FREM1: variants seen among roughly 807,000 people sequenced by gnomAD.
FREM1 encodes FRAS1-related extracellular matrix protein 1.
A neutral mutation model predicts 210.1 loss-of-function variants in FREM1; 220 were observed. The ratio of observed to expected loss-of-function variants is 1.05; its 90% CI spans 0.94 to 1.17. The LOEUF is 1.17. Ranked by LOEUF, FREM1 falls within the 50% of genes most tolerant of loss-of-function variation. The pLI is 0.00. For synonymous variants in FREM1, 1,189 were observed against 980.2 expected, an observed-to-expected ratio of 1.21 and a Z score of -3.98; for missense variants, 3,454 against 2,675.5, an observed-to-expected ratio of 1.29 and a Z score of -6.42.
At position 14,746,308 on chromosome 9, in the gene FREM1, T is replaced by A. The variant is rs41265300; in HGVS notation, c.6254+45A>T. The A allele has an allele frequency of 0.13, 177,127 of 1,337,740 alleles. 13,579 individuals carry two copies. Among genetic ancestry groups the A allele is most frequent in the Non-Finnish European group, 0.16 (148,866 of 936,358 alleles). 82.9% of individuals were successfully genotyped at this position (1,337,740 alleles called of 1,614,324 possible). A position where few individuals can be genotyped will look rare whatever the true frequency, so the allele number is the denominator to read the frequency against. On this transcript the variant is annotated intron_variant, in intron 35 of 36. Coordinates refer to ENST00000380880, the MANE Select transcript of FREM1 (RefSeq NM_001379081.2). ...CCGCTTCCATGAGCAAATAGAGAAATAGAGAAAAGAAAACACCAATCAAAT... is the reference window on the plus strand; with the variant it reads ...CCGCTTCCATGAGCAAATAGAGAAAAAGAGAAAAGAAAACACCAATCAAAT...
chr9:14,858,187 G>A (rs779750707), intron 4 of FREM1, among the ~76,000 whole-genome samples: 29 of 152,108 alleles, frequency 1.9e-4, no homozygotes, highest in East Asian at 1.2e-3. Flanking sequence ...CAAATCCTGC[G>A]TATCCTTCCA....
chr9:14,769,621 T>A (rs1847153955), intron 27 of FREM1, 103 bp downstream of exon 27: 2 of 1,227,498 alleles, frequency 1.6e-6, no homozygotes, highest in South Asian at 3.1e-5. Flanking sequence ...TCTATTAATT[T>A]ATCTTCTTGG....
chr9:14,900,248 A>G (rs1301872723), intron 1 of FREM1, among the ~76,000 whole-genome samples: 1 of 152,188 alleles, frequency 6.6e-6, no homozygotes, highest in East Asian at 1.9e-4. Flanking sequence ...TTCTGATTTA[A>G]TTTGTCTGAG....
At chr9:14,879,747 A>T (rs930578454) in intron 1 of FREM1, among the ~76,000 whole-genome samples, 1 of 152,188 alleles carries the variant, frequency 6.6e-6, no homozygotes, top group Admixed American at 6.5e-5. Context: ...CCATTCGGTA[A>T]AGCAACTCTA....
chr9:14,840,262 A>T (rs1825431761), intron 10 of FREM1, among the ~76,000 whole-genome samples: 1 of 152,206 alleles, frequency 6.6e-6, no homozygotes, highest in African/African-American at 2.4e-5. Context: ...GGATCCATAT[A>T]CAGGCTATCT....
intron 17 of FREM1, 110 bp downstream of exon 17, chr9:14,807,830 C>T: frequency 2.5e-6 from 2 of 796,070 alleles, no homozygotes; most frequent in Non-Finnish European, 3.9e-6. Flanking sequence ...AAGGACAATT[C>T]CATATGGTGG....
chr9:14,786,513 C>G (rs1205271087), intron 23 of FREM1, among the ~76,000 whole-genome samples: 1 of 152,168 alleles, frequency 6.6e-6, no homozygotes, highest in Non-Finnish European at 1.5e-5. Flanking sequence ...CAACGACAGG[C>G]AATTTTGCTC....
At chr9:14,760,027 A>G (rs1197107412) in intron 27 of FREM1, 126 bp from the exon 28 acceptor site, 2 of 587,578 alleles carry the variant, frequency 3.4e-6, no homozygotes, top group African/African-American at 3.7e-5. Flanking sequence ...ATTCCTTAAG[A>G]CTTATTTGAC....
chr9:14,773,841 A>T (rs570385843), intron 25 of FREM1, among the ~76,000 whole-genome samples: 2 of 152,176 alleles, frequency 1.3e-5, no homozygotes, highest in East Asian at 3.9e-4. Context: ...GTAGGAAGGA[A>T]CTCTAACATC....
intron 7 of FREM1, among the ~76,000 whole-genome samples, chr9:14,846,838 C>A (rs953802958): frequency 6.6e-6 from 1 of 152,216 alleles, no homozygotes; most frequent in East Asian, 1.9e-4. Flanking sequence ...ATCCCGGCCT[C>A]GACCAACTGA....
rs761543437 is a variant in FREM1, at chr9:14,851,327, T to G, written c.1109A>C (p.Tyr370Ser). ...WKDLSDMQIA[Y>S]QPPNSSHSER... The stretch of plus-strand genomic sequence containing the variant: ...AGAATGGCTGCTGTTTGGTGGCTGA[T>G]AGGCGATCTGCATGTCACTGAGATC... Residue 370 changes from tyrosine (Y) to serine (S), a missense_variant, in exon 6 of 37, where the codon TAT becomes TCT. Tyr to Ser is a moderately radical substitution (Grantham distance 144). Coordinates refer to ENST00000380880, the MANE Select transcript of FREM1 (RefSeq NM_001379081.2). 1.2e-6 allele frequency: 2 copies of G among 1,607,524 alleles called. No homozygotes were observed. The highest frequency in any genetic ancestry group is 2.2e-5 in the South Asian group (2 of 90,340).
intron 29 of FREM1, among the ~76,000 whole-genome samples, chr9:14,754,746 A>T (rs1843986383): frequency 6.6e-6 from 1 of 152,122 alleles, no homozygotes; most frequent in Admixed American, 6.5e-5. Flanking sequence ...AGTCTGGCCA[A>T]TAAGGTGAAA....
At chr9:14,885,913 A>G (rs941626551) in intron 1 of FREM1, among the ~76,000 whole-genome samples, 1 of 152,170 alleles carries the variant, frequency 6.6e-6, no homozygotes, top group African/African-American at 2.4e-5. Context: ...GCTGTTAACT[A>G]TAGTAGTCAT....
At chr9:14,862,926 C>T (rs1168424336) in intron 3 of FREM1, among the ~76,000 whole-genome samples, 1 of 152,046 alleles carries the variant, frequency 6.6e-6, no homozygotes, top group Non-Finnish European at 1.5e-5. Context: ...AATAATGTTG[C>T]ATTGAACTTT....
chr9:14,858,042 A>G (rs945624326), intron 4 of FREM1, among the ~76,000 whole-genome samples: 2 of 152,324 alleles, frequency 1.3e-5, no homozygotes, highest in East Asian at 3.9e-4. Context: ...CAAATAGACC[A>G]GTGACTCACT....
chr9:14,838,983 T>A (rs535521116), intron 10 of FREM1, among the ~76,000 whole-genome samples: 4 of 152,264 alleles, frequency 2.6e-5, no homozygotes, highest in African/African-American at 9.6e-5. Flanking sequence ...AAGACAAAGT[T>A]ACCACCAACC....
At chr9:14,904,517 C>G (rs555021036) in intron 1 of FREM1, among the ~76,000 whole-genome samples, 1 of 152,300 alleles carries the variant, frequency 6.6e-6, no homozygotes, top group Non-Finnish European at 1.5e-5. Context: ...TGGAAAAGAG[C>G]AGATCTGCTT....
chr9:14,854,515 TA>T (rs1347982366), intron 5 of FREM1, among the ~76,000 whole-genome samples: 1 of 151,996 alleles, frequency 6.6e-6, no homozygotes, highest in Non-Finnish European at 1.5e-5. Flanking sequence ...TTGATAAAAG[TA>T]AAAAATATAA....
intron 27 of FREM1, among the ~76,000 whole-genome samples, chr9:14,760,535 T>C (rs923774330): frequency 6.6e-6 from 1 of 152,218 alleles, no homozygotes; most frequent in African/African-American, 2.4e-5. Flanking sequence ...GAGGATAGTC[T>C]TTCTTTCCAC....
Sources: gnomAD v4.1 joint callset for allele counts (sites outside exome capture counted in the v4.1 genomes callset) on GRCh38, gnomAD v4.1.1 for gene constraint, MANE v1.5 for transcripts, NCBI Gene and HGNC (gene_info 2026-07-23, HGNC 2026-07-21) for gene names.